The following GALNT13 variants were observed in gnomAD, a reference collection of about 807,000 sequenced individuals.
GALNT13 encodes the protein UDP-GalNAc:polypeptide N-acetylgalactosaminyltransferase 13.
Under a neutral mutation model 64.2 loss-of-function variants are expected in GALNT13, and 28 were observed. The ratio of observed to expected loss-of-function variants is 0.44; its 90% confidence interval spans 0.32 to 0.60. The LOEUF is 0.60. GALNT13 is among the 20% of genes least tolerant of loss of function. GALNT13 has a pLI of 0.05. For missense variants in GALNT13, 577 were observed against 669.8 expected (o/e 0.86, Z 1.53); for synonymous variants, 214 against 224.6 (o/e 0.95, Z 0.42).
chr2:154,366,093 A>G (rs1697346723), intron 9 of GALNT13, among the ~76,000 whole-genome samples: 1 of 152,126 alleles, frequency 6.6e-6, no homozygotes, highest in African/African-American at 2.4e-5. Context: ...TCCTGATTGT[A>G]TGAACATATA....
the GALNT13 span, among the ~76,000 whole-genome samples, chr2:153,131,610 C>T: frequency 6.6e-6 from 1 of 152,160 alleles, no homozygotes; most frequent in Non-Finnish European, 1.5e-5. Context: ...ACCCATATCC[C>T]AGGTCTGCAC....
the GALNT13 span, among the ~76,000 whole-genome samples, chr2:153,428,640 T>G: frequency 6.6e-6 from 1 of 152,174 alleles, no homozygotes; most frequent in Non-Finnish European, 1.5e-5. Context: ...GAACTGGACA[T>G]AATTACTAGA....
chr2:153,356,867 G>T, the GALNT13 span, among the ~76,000 whole-genome samples: 1 of 133,728 alleles, frequency 7.5e-6, no homozygotes, highest in South Asian at 2.3e-4. Context: ...GTGTGATCTC[G>T]GCTCACTGCA....
intron 1 of GALNT13, among the ~76,000 whole-genome samples, chr2:153,884,783 ATATGTGTGTGTATATATATATATGTG>A (rs1558834029): frequency 5.6e-5 from 6 of 106,938 alleles, no homozygotes; most frequent in South Asian, 6.7e-4. Flanking sequence ...ATATATATAT[ATATGTGTGTGTATATATATATATGTG>A]TGTGTGTGTG....
chr2:154,037,030 A>C (rs1379284700), intron 3 of GALNT13, among the ~76,000 whole-genome samples: 1 of 152,112 alleles, frequency 6.6e-6, no homozygotes, highest in Non-Finnish European at 1.5e-5. Context: ...AGAAACAACC[A>C]TTTTCTTAAC....
chr2:153,189,955 T>G, the GALNT13 span, among the ~76,000 whole-genome samples: 2 of 152,090 alleles, frequency 1.3e-5, no homozygotes, highest in East Asian at 3.8e-4. Flanking sequence ...GGAACGTTTT[T>G]ATGCTGTTGT....
the GALNT13 span, among the ~76,000 whole-genome samples, chr2:153,732,517 TATAA>T: frequency 6.6e-6 from 1 of 152,028 alleles, no homozygotes; most frequent in Non-Finnish European, 1.5e-5. Flanking sequence ...TGTACTGTAA[TATAA>T]CAATGAACTC....
chr2:154,049,779 T>C (rs1193559287), intron 3 of GALNT13, among the ~76,000 whole-genome samples: 4 of 151,934 alleles, frequency 2.6e-5, no homozygotes, highest in Non-Finnish European at 5.9e-5. Flanking sequence ...ATGGGTTGTC[T>C]ATTACTGATT....
intron 4 of GALNT13, among the ~76,000 whole-genome samples, chr2:154,177,963 T>C (rs1186183242): frequency 6.6e-6 from 1 of 152,184 alleles, no homozygotes; most frequent in African/African-American, 2.4e-5. Context: ...TTCTGAACCT[T>C]TATGACTCAA....
the GALNT13 span, among the ~76,000 whole-genome samples, chr2:153,327,726 A>C: frequency 1.3e-5 from 2 of 151,788 alleles, no homozygotes; most frequent in Non-Finnish European, 2.9e-5. Context: ...GCTTCCTTGC[A>C]TTGTGTTAGA....
At chr2:153,745,887 C>T in the GALNT13 span, among the ~76,000 whole-genome samples, 1 of 152,088 alleles carries the variant, frequency 6.6e-6, no homozygotes, top group Non-Finnish European at 1.5e-5. Flanking sequence ...CATGCTTTGC[C>T]TGAAGCTGCT....
chr2:153,257,188 G>C, the GALNT13 span, among the ~76,000 whole-genome samples: 5 of 152,318 alleles, frequency 3.3e-5, no homozygotes, highest in Non-Finnish European at 7.3e-5. Flanking sequence ...GAAAAGCGCA[G>C]TATTCGGGTG....
chr2:154,171,321 C>T lies in GALNT13; in HGVS notation c.311+30816C>T, dbSNP rs532962058. On this transcript the variant is annotated intron_variant, in intron 4 of 12. Coordinates refer to ENST00000392825, the MANE Select transcript of GALNT13 (RefSeq NM_052917.4). The stretch of plus-strand genomic sequence containing the variant: ...TACTCTAGAAACTTGTTCTCAATTC[C>T]GCTTGCCTTCTACCTACTCCACCAG... 7.9e-5 allele frequency among the ~76,000 whole-genome samples: 12 copies of T among 152,202 alleles called. No homozygotes were observed. The South Asian group carries it at 1.9e-3, about 24-fold the overall frequency.
chr2:153,380,639 G>A, the GALNT13 span, among the ~76,000 whole-genome samples: 18 of 152,020 alleles, frequency 1.2e-4, no homozygotes, highest in Non-Finnish European at 1.8e-4. Context: ...GTGAATGTAC[G>A]TAGTATAGTG....
the GALNT13 span, among the ~76,000 whole-genome samples, chr2:153,574,885 A>G: frequency 1.3e-5 from 2 of 151,690 alleles, no homozygotes; most frequent in Non-Finnish European, 1.5e-5. Flanking sequence ...TTATTATTTT[A>G]GTTGGTGAGT....
At chr2:153,768,145 T>C in the GALNT13 span, among the ~76,000 whole-genome samples, 2 of 152,170 alleles carry the variant, frequency 1.3e-5, no homozygotes, top group Non-Finnish European at 2.9e-5. Context: ...AACAACTGAG[T>C]CCAAGAAATT....
intron 4 of GALNT13, among the ~76,000 whole-genome samples, chr2:154,223,790 A>G (rs1688447920): frequency 6.6e-6 from 1 of 152,082 alleles, no homozygotes; most frequent in Non-Finnish European, 1.5e-5. Context: ...AACTAACATT[A>G]CATTGAAATT....
chr2:154,437,868 AAAAC>A (rs1559154883), intron 11 of GALNT13: 2 of 221,894 alleles, frequency 9.0e-6, no homozygotes, highest in African/African-American at 4.7e-5. Flanking sequence ...AAAAAAAAAA[AAAAC>A]CCTCATGAAA....
the GALNT13 span, among the ~76,000 whole-genome samples, chr2:153,348,049 T>C: frequency 2.6e-5 from 4 of 152,204 alleles, no homozygotes; most frequent in African/African-American, 9.6e-5. Flanking sequence ...CCCTAGAGTG[T>C]AATGGTCAAC....
Sources: allele counts gnomAD v4.1 joint callset (sites outside exome capture counted in the v4.1 genomes callset), GRCh38; gene constraint gnomAD v4.1.1; transcripts MANE v1.5; gene names NCBI Gene and HGNC (gene_info 2026-07-23, HGNC 2026-07-21).